The following SAMD5 variants were observed in gnomAD, a reference collection of about 807,000 sequenced individuals.
SAMD5 encodes sterile alpha motif domain containing 5, also known as sterile alpha motif domain-containing protein 5.
SAMD5 carries 13 observed loss-of-function variants against 11.3 expected under a neutral mutation model. The observed-to-expected ratio is 1.15, with a 90% CI of 0.75 to 1.83. The LOEUF (loss-of-function observed/expected upper bound fraction) is 1.83. Ranked by LOEUF, SAMD5 falls within the 40% of genes most tolerant of loss-of-function variation. SAMD5 has a pLI of 0.00. For synonymous variants in SAMD5, 129 were observed against 111.3 expected, an observed-to-expected ratio of 1.16 and a Z score of -1.00; for missense variants, 255 against 239.1, an observed-to-expected ratio of 1.07 and a Z score of -0.44.
intron 1 of SAMD5, among the ~76,000 whole-genome samples, chr6:147,609,307 C>A (rs1010942502): frequency 2.0e-5 from 3 of 152,166 alleles, no homozygotes; most frequent in African/African-American, 7.2e-5. Flanking sequence ...AAGATGGCCG[C>A]CTACAAGCTA....
At chr6:147,816,301 A>AAATAAAT in the SAMD5 span, among the ~76,000 whole-genome samples, 1 of 66,362 alleles carries the variant, frequency 1.5e-5, no homozygotes, top group Admixed American at 2.0e-4. Flanking sequence ...AAAAAAAAAA[A>AAATAAAT]ATATATATAT....
intron 1 of SAMD5, among the ~76,000 whole-genome samples, chr6:147,641,839 T>G (rs1380294835): frequency 1.3e-5 from 2 of 152,212 alleles, no homozygotes; most frequent in Non-Finnish European, 2.9e-5. Context: ...TAATCTTGTT[T>G]GTTTCTTTAG....
At chr6:147,529,600 T>C (rs535523161) in intron 1 of SAMD5, among the ~76,000 whole-genome samples, 67 of 152,310 alleles carry the variant, frequency 4.4e-4, no homozygotes, top group African/African-American at 1.6e-3. Flanking sequence ...TCCAGAAGGT[T>C]TGCATAAAGG....
At chr6:147,611,494 C>T (rs1007922574) in intron 1 of SAMD5, among the ~76,000 whole-genome samples, 1 of 150,290 alleles carries the variant, frequency 6.7e-6, no homozygotes. Flanking sequence ...GCCCAGGATG[C>T]GGAGGTTGCA....
At chr6:147,887,240 T>TACAC in the SAMD5 span, among the ~76,000 whole-genome samples, 1 of 152,142 alleles carries the variant, frequency 6.6e-6, no homozygotes, top group African/African-American at 2.4e-5. Flanking sequence ...GGACTACATA[T>TACAC]ACACACACAC....
At chr6:147,890,954 A>G in the SAMD5 span, among the ~76,000 whole-genome samples, 1 of 152,344 alleles carries the variant, frequency 6.6e-6, no homozygotes, top group African/African-American at 2.4e-5. Flanking sequence ...TTACATCCGT[A>G]TTGCAGAAAA....
intron 1 of SAMD5, among the ~76,000 whole-genome samples, chr6:147,522,708 A>G (rs1461793745): frequency 2.6e-5 from 4 of 152,092 alleles, no homozygotes; most frequent in Non-Finnish European, 5.9e-5. Context: ...AATCACTTCA[A>G]TGGTTGTTGT....
chr6:147,670,445 A>G lies in SAMD5; in HGVS notation c.163-66872A>G, dbSNP rs141395245. Reference sequence around the variant, plus strand: ...AGACATTGACTTCTCCTTTAAAGCTATGAAAGTCTTAGATGGCAACTTCTT... The same window carrying G: ...AGACATTGACTTCTCCTTTAAAGCTGTGAAAGTCTTAGATGGCAACTTCTT... On this transcript the variant is annotated intron_variant, in intron 1 of 1. Coordinates refer to the SAMD5 transcript ENST00000566741. Among the ~76,000 whole-genome samples the G allele has an allele frequency of 2.0e-5, 3 of 152,362 alleles. No homozygotes were observed. In the East Asian group the frequency reaches 5.8e-4, roughly 29 times the overall value.
chr6:147,780,948 A>G, the SAMD5 span, among the ~76,000 whole-genome samples: 2 of 152,210 alleles, frequency 1.3e-5, no homozygotes, highest in South Asian at 4.1e-4. Context: ...CATGTAATGA[A>G]ATAATTCACA....
the SAMD5 span, among the ~76,000 whole-genome samples, chr6:147,794,462 A>C: frequency 6.6e-6 from 1 of 152,324 alleles, no homozygotes; most frequent in East Asian, 1.9e-4. Flanking sequence ...ATTGCATCAT[A>C]TAAAAAGACT....
At chr6:147,911,246 G>A in the SAMD5 span, among the ~76,000 whole-genome samples, 1 of 152,318 alleles carries the variant, frequency 6.6e-6, no homozygotes, top group Non-Finnish European at 1.5e-5. Context: ...CAATGCTGTA[G>A]CAACACGGTT....
chr6:147,620,147 C>T lies in SAMD5; in HGVS notation c.162+110760C>T, dbSNP rs544354685. Among the ~76,000 whole-genome samples the T allele has an allele frequency of 1.5e-4, 23 of 152,290 alleles. No homozygotes were observed. In the East Asian group the frequency reaches 3.3e-3, roughly 22 times the overall value. ...GCCCTTCCCCTGCTTAGGGAAGCCC[C>T]GTGCGTTCCATCCTTCCTTTCCTCG... On this transcript the variant is annotated intron_variant, in intron 1 of 1. Transcript: ENST00000566741.
At chr6:147,743,598 TTCAC>T in the SAMD5 span, among the ~76,000 whole-genome samples, 2 of 152,336 alleles carry the variant, frequency 1.3e-5, no homozygotes, top group African/African-American at 4.8e-5. Context: ...TCTTCTAAAG[TTCAC>T]TCATTTTATT....
the SAMD5 span, among the ~76,000 whole-genome samples, chr6:147,810,259 A>G: frequency 1.3e-5 from 2 of 152,174 alleles, no homozygotes; most frequent in African/African-American, 2.4e-5. Context: ...CAGTATCTTT[A>G]TCATTCTTTC....
chr6:147,716,637 G>A (rs1282443087), intron 1 of SAMD5, among the ~76,000 whole-genome samples: 1 of 152,204 alleles, frequency 6.6e-6, no homozygotes, highest in African/African-American at 2.4e-5. Flanking sequence ...GCTCCTGTCG[G>A]CTCTGTGGAG....
chr6:147,874,869 G>A, the SAMD5 span, among the ~76,000 whole-genome samples: 1 of 151,872 alleles, frequency 6.6e-6, no homozygotes, highest in Non-Finnish European at 1.5e-5. Context: ...TACGTCTGTG[G>A]GATTCGGGCA....
At chr6:147,948,419 T>C in the SAMD5 span, among the ~76,000 whole-genome samples, 1 of 152,182 alleles carries the variant, frequency 6.6e-6, no homozygotes, top group Admixed American at 6.5e-5. Context: ...GACCACATTG[T>C]CTTTTGAAAG....
intron 1 of SAMD5, among the ~76,000 whole-genome samples, chr6:147,667,581 A>T (rs973204869): frequency 8.5e-5 from 13 of 152,290 alleles, no homozygotes; most frequent in African/African-American, 3.1e-4. Flanking sequence ...TCACCAACTT[A>T]AATTCCTGTA....
chr6:147,923,531 G>T, the SAMD5 span, among the ~76,000 whole-genome samples: 1 of 152,136 alleles, frequency 6.6e-6, no homozygotes, highest in Admixed American at 6.6e-5. Flanking sequence ...AATTTACAAA[G>T]TGCTTTCGGT....
Sources: gnomAD v4.1 joint callset for allele counts (sites outside exome capture counted in the v4.1 genomes callset) on GRCh38, gnomAD v4.1.1 for gene constraint, MANE v1.5 for transcripts, NCBI Gene and HGNC (gene_info 2026-07-23, HGNC 2026-07-21) for gene names.